Variants in PCDHGA4 observed in about 807,000 individuals in gnomAD.
PCDHGA4 encodes the protein protocadherin gamma-A4.
PCDHGA4 carries 38 observed loss-of-function variants against 54.6 expected under a neutral mutation model. The observed-to-expected ratio is 0.70, with a 90% CI of 0.54 to 0.91. The LOEUF is 0.91. Among genes scored for constraint, PCDHGA4 ranks in the 40% least tolerant of loss-of-function variants. The pLI, the probability that PCDHGA4 is intolerant of heterozygous loss-of-function variation, is 0.00. For missense variants in PCDHGA4, 1,298 were observed against 1,220.9 expected (o/e 1.06, Z -0.94); for synonymous variants, 511 against 512.9 (o/e 1.00, Z 0.05).
intron 1 of PCDHGA4, chr5:141,403,870 T>A: frequency 6.2e-7 from 1 of 1,613,498 alleles, no homozygotes; most frequent in African/African-American, 1.3e-5. Flanking sequence ...CAGCAAAAAG[T>A]CTAGATTATG....
chr5:141,373,122 C>T (rs1449230885), intron 1 of PCDHGA4, among the ~76,000 whole-genome samples: 5 of 152,156 alleles, frequency 3.3e-5, no homozygotes, highest in African/African-American at 1.2e-4. Flanking sequence ...CAGAATTAGA[C>T]CCAAATCCTC....
rs534304763 is a variant in PCDHGA4 at position 141,394,533 on chromosome 5, G to T, written c.2514+36912G>T. 2 of 1,614,092 alleles carry T rather than the reference G, an allele frequency of 1.2e-6. No individual in the cohort carries two copies. The highest frequency in any genetic ancestry group is 3.3e-5 in the Admixed American group (2 of 60,014). On this transcript the variant is annotated intron_variant, in intron 1 of 3. Transcript: ENST00000571252. Reference sequence around the variant, plus strand: ...CGCCCTCCCCACAGACGGTTCCACTGGCGTGGAGCTGGCGCCCCGCTCCGC... The same window carrying T: ...CGCCCTCCCCACAGACGGTTCCACTTGCGTGGAGCTGGCGCCCCGCTCCGC...
At chr5:141,383,767 A>G (rs1779455066) in intron 1 of PCDHGA4, 2 of 1,613,886 alleles carry the variant, frequency 1.2e-6, no homozygotes, top group South Asian at 2.2e-5. Flanking sequence ...TAAACTTCCA[A>G]AGATGTTTCA....
intron 1 of PCDHGA4, chr5:141,372,343 G>A: frequency 6.2e-7 from 1 of 1,613,790 alleles, no homozygotes; most frequent in Non-Finnish European, 8.5e-7. Context: ...CGTGATGGAG[G>A]ACAGCAGCCT....
At chr5:141,505,583 T>C (rs2099846941) in intron 3 of PCDHGA4, 102 bp downstream of exon 3, 3 of 1,583,532 alleles carry the variant, frequency 1.9e-6, no homozygotes, top group Non-Finnish European at 2.6e-6. Flanking sequence ...ACCTGTGTAG[T>C]TTCTCCAGAT....
rs563654735 is a variant in PCDHGA4 at position 141,365,009 on chromosome 5, C to T, written c.2514+7388C>T. On this transcript the variant is annotated intron_variant, in intron 1 of 3. Coordinates refer to ENST00000571252, the MANE Select transcript of PCDHGA4 (RefSeq NM_018917.4). ...AGACCCGGTACTCTCCGGCACCACG[C>T]ACATCCGTGTTACGGTCCTCGACGC... The T allele has an allele frequency of 7.4e-5, 119 of 1,613,926 alleles. No homozygotes were observed. The East Asian group carries it at 2.6e-3, about 36-fold the overall frequency.
chr5:141,393,110 C>T, intron 1 of PCDHGA4: 10 of 1,613,496 alleles, frequency 6.2e-6, no homozygotes, highest in Non-Finnish European at 8.5e-6. Flanking sequence ...GCGCTCAGAG[C>T]CCGCGGTGTC....
intron 1 of PCDHGA4, chr5:141,408,026 G>A (rs1484571389): frequency 2.8e-6 from 3 of 1,081,716 alleles, no homozygotes; most frequent in African/African-American, 3.2e-5. Context: ...ACAACAGAAA[G>A]AAGAAAACCA....
intron 1 of PCDHGA4, chr5:141,360,927 G>A: frequency 6.2e-7 from 1 of 1,613,984 alleles, no homozygotes; most frequent in South Asian, 1.1e-5. Context: ...TGCTTCAAGT[G>A]ACAGCCACCG....
At chr5:141,501,333 A>C (rs200092587) in intron 2 of PCDHGA4, among the ~76,000 whole-genome samples, 397 of 140,104 alleles carry the variant, frequency 2.8e-3, no homozygotes, top group Non-Finnish European at 2.6e-3. Flanking sequence ...ACACACACAC[A>C]CCCCAAACTC....
At chr5:141,450,608 T>A (rs916441293) in intron 1 of PCDHGA4, among the ~76,000 whole-genome samples, 1 of 151,894 alleles carries the variant, frequency 6.6e-6, no homozygotes, top group East Asian at 1.9e-4. Flanking sequence ...TGCCTCAGCC[T>A]CCTGAGTAGC....
Position 141,477,468 on chromosome 5 carries a change from A to G in PCDHGA4, c.2515-17339A>G. ...GTGCGTGTTCAAGTGTCCGACATCA[A>G]TGACAACCCTCCACAATCTTCTCAA... is the stretch of plus-strand genomic sequence containing the variant. On this transcript the variant is annotated intron_variant, in intron 1 of 3. Transcript: ENST00000571252. This position sits in a 1 kb window ranked among gnomAD's most constrained non-coding sequence, Gnocchi z 4.9. 6.2e-7 allele frequency: 1 copy of G among 1,614,158 alleles called. No homozygotes were observed. Among genetic ancestry groups the G allele is most frequent in the Non-Finnish European group, 8.5e-7 (1 of 1,180,022 alleles).
intron 1 of PCDHGA4, among the ~76,000 whole-genome samples, chr5:141,387,411 G>A (rs2090933954): frequency 1.3e-5 from 2 of 152,196 alleles, no homozygotes; most frequent in Admixed American, 6.5e-5. Flanking sequence ...ATTGGGGAAA[G>A]CTTATGTCAA....
At chr5:141,385,897 T>G (rs1239530596) in intron 1 of PCDHGA4, 1 of 152,628 alleles carries the variant, frequency 6.6e-6, no homozygotes, top group East Asian at 1.9e-4. Flanking sequence ...GAAATGTGTG[T>G]GTATCACACT....
chr5:141,363,922 T>C (rs1411192181), intron 1 of PCDHGA4, among the ~76,000 whole-genome samples: 1 of 152,164 alleles, frequency 6.6e-6, no homozygotes, highest in Non-Finnish European at 1.5e-5. Context: ...TTTTGTAAGG[T>C]ATTGAGATCT....
chr5:141,422,272 A>T, intron 1 of PCDHGA4: 13 of 1,561,362 alleles, frequency 8.3e-6, no homozygotes, highest in Non-Finnish European at 1.1e-5. Context: ...TCCAGAAATA[A>T]CTATCACCTC....
intron 1 of PCDHGA4, chr5:141,376,546 T>TC (rs1388461293): frequency 6.2e-7 from 1 of 1,612,610 alleles, no homozygotes; most frequent in Non-Finnish European, 8.5e-7. Context: ...AGTAATCTGA[T>TC]CTTCCCGCAA....
rs2099750805 is a variant in PCDHGA4, at chr5:141,493,915, T to C, written c.2515-892T>C. ...TGCTCCATGAGAGTGTGTGATGGGA[T>C]AACACACCCCCTGGAAAGACCAGAA... On this transcript the variant is annotated intron_variant, in intron 1 of 3. Transcript: ENST00000571252. This position sits in a 1 kb window ranked among gnomAD's most constrained non-coding sequence, Gnocchi z 4.3. Among the ~76,000 whole-genome samples, 1 of 152,024 alleles carries C rather than the reference T, an allele frequency of 6.6e-6. No homozygotes were observed. Among genetic ancestry groups the C allele is most frequent in the African/African-American group, 2.4e-5 (1 of 41,386 alleles).
At chr5:141,437,561 C>G (rs1228292384) in intron 1 of PCDHGA4, among the ~76,000 whole-genome samples, 1 of 152,110 alleles carries the variant, frequency 6.6e-6, no homozygotes, top group Non-Finnish European at 1.5e-5. Context: ...TGACATGTAA[C>G]AGAGTATAGC....
Sources: allele counts gnomAD v4.1 joint callset (sites outside exome capture counted in the v4.1 genomes callset), GRCh38; gene constraint gnomAD v4.1.1; non-coding constraint Gnocchi (gnomAD v3.1); transcripts MANE v1.5; gene names NCBI Gene and HGNC (gene_info 2026-07-23, HGNC 2026-07-21).